Variants in IFI6 observed in about 807,000 individuals in gnomAD.
IFI6 encodes interferon alpha inducible protein 6.
Under a neutral mutation model 12.7 loss-of-function variants are expected in IFI6, and 10 were observed. The ratio of observed to expected loss-of-function variants is 0.79; its 90% CI spans 0.49 to 1.33. IFI6 has a LOEUF of 1.33. IFI6 is among the 40% of genes most tolerant of loss of function. The pLI is 0.00. For missense variants in IFI6, 154 were observed against 180.4 expected (o/e 0.85, Z 0.84); for synonymous variants, 89 against 86.2 (o/e 1.03, Z -0.18).
Position 27,668,267 on chromosome 1 carries a change from C to T in IFI6, c.257G>A (p.Gly86Asp), listed in dbSNP as rs1253453812. The change falls in exon 4 of 5, where the codon GGC (glycine) becomes GAC (aspartate). Residue 86 changes from glycine to aspartate, a missense_variant. Coordinates refer to ENST00000361157, the MANE Select transcript of IFI6 (RefSeq NM_002038.4). ...MSWSAILNGG[G>D]VPAGGLVATL... ...GGCCACTAGCCCCCCGGCGGGCACG[C>T]CGCCCCCATTCAGGATCGCAGACCA... is the stretch of plus-strand genomic sequence containing the variant. 1.1e-5 allele frequency: 17 copies of T among 1,579,042 alleles called. No individual in the cohort carries two copies. The highest frequency in any genetic ancestry group is 1.4e-5 in the Non-Finnish European group (16 of 1,167,634).
At position 27,668,454 on chromosome 1, in the gene IFI6, C is replaced by G. The variant is rs758493192; in HGVS notation, c.148+4G>C. On this transcript the variant is annotated splice_donor_region_variant and intron_variant, in intron 3 of 4. Coordinates refer to ENST00000361157, the MANE Select transcript of IFI6 (RefSeq NM_002038.4). ...TGCCCGAGATCCTCGCCCTCCAGAC[C>G]CACCTCCTCCGACGGCCATGAAGGT... The G allele has an allele frequency of 1.2e-6, 2 of 1,609,738 alleles. No individual in the cohort carries two copies. Among genetic ancestry groups the G allele is most frequent in the East Asian group, 2.2e-5 (1 of 44,578 alleles).
At chr1:27,671,379 A>T (rs1159213882) in intron 1 of IFI6, among the ~76,000 whole-genome samples, 14 of 131,362 alleles carry the variant, frequency 1.1e-4, no homozygotes, top group Non-Finnish European at 1.3e-4. Flanking sequence ...CCAAGCCCAC[A>T]TTTTTTTTTT....
At position 27,668,208 on chromosome 1, in the gene IFI6, C is replaced by G. The variant is rs1007811701; in HGVS notation, c.298+18G>C. 4.1e-6 allele frequency: 6 copies of G among 1,473,736 alleles called. No homozygotes were observed. Among genetic ancestry groups the G allele is most frequent in the Non-Finnish European group, 5.4e-6 (6 of 1,118,996 alleles). The allele number at this position is 1,473,736 out of a possible 1,614,324, so 91.3% of individuals were successfully genotyped here. A position where few individuals can be genotyped will look rare whatever the true frequency, so the allele number is the denominator to read the frequency against. On this transcript the variant is annotated intron_variant, in intron 4 of 4. Transcript: ENST00000361157. ...ATAGTAAAGAACGTCCCACCAGGGG[C>G]CCAGGCCCCGCACTCACCGAGGCTC...
In IFI6 at chr1:27,668,227, G is replaced by T; in HGVS notation, c.297C>A (p.Leu99=). The T allele has an allele frequency of 6.5e-7, 1 of 1,540,172 alleles. No individual in the cohort carries two copies. Residue 99 remains leucine, a splice_region_variant and synonymous_variant, in exon 4 of 5, where the codon CTC becomes CTA. Coordinates refer to ENST00000361157, the MANE Select transcript of IFI6 (RefSeq NM_002038.4). The stretch of plus-strand genomic sequence containing the variant: ...CAGGGGCCCAGGCCCCGCACTCACC[G>T]AGGCTCTGCAGCGTGGCCACTAGCC... ...AGGLVATLQS[L]GAGGSSVVIG...
chr1:27,669,203 C>T lies in IFI6; in HGVS notation c.70+42G>A, dbSNP rs532362382. The T allele has an allele frequency of 1.3e-4, 197 of 1,548,482 alleles. 5 individuals carry two copies. In the South Asian group the frequency reaches 2.2e-3, roughly 17 times the overall value. On this transcript the variant is annotated intron_variant, in intron 2 of 4. Coordinates refer to ENST00000361157, the MANE Select transcript of IFI6 (RefSeq NM_002038.4). ...CCCTTACTTGCATCCTTACCTGCACCCTTACCTGTCCCCTTACCTGCATCC... is the reference window on the plus strand; with the variant it reads ...CCCTTACTTGCATCCTTACCTGCACTCTTACCTGTCCCCTTACCTGCATCC...
intron 4 of IFI6, among the ~76,000 whole-genome samples, chr1:27,667,564 T>C (rs2090361098): frequency 6.6e-6 from 1 of 152,230 alleles, no homozygotes; most frequent in African/African-American, 2.4e-5. Context: ...TATGTTTCTT[T>C]GCTACTGTGG....
At chr1:27,671,536 C>G (rs541797871) in intron 1 of IFI6, among the ~76,000 whole-genome samples, 1 of 151,978 alleles carries the variant, frequency 6.6e-6, no homozygotes, top group African/African-American at 2.4e-5. Flanking sequence ...AGGCGCCCAC[C>G]ACCAAGCCCG....
At position 27,666,174 on chromosome 1, in the gene IFI6, G is replaced by T; in HGVS notation, c.*207C>A. ...GGCGCATGCTTGTAATCCTACTTGG[G>T]AGGTTGAGACAGGAGGATCACTTGA... On this transcript the variant is annotated 3_prime_UTR_variant, in exon 5 of 5. Transcript: ENST00000361157. 1 of 436,894 alleles carries T rather than the reference G, an allele frequency of 2.3e-6. No homozygotes were observed. The highest frequency in any genetic ancestry group is 2.0e-5 in the African/African-American group (1 of 49,444). The allele number at this position is 436,894 out of a possible 1,614,324, so 27.1% of individuals were successfully genotyped here. A position where few individuals can be genotyped will look rare whatever the true frequency, so the allele number is the denominator to read the frequency against.
At chr1:27,669,534 C>A in intron 1 of IFI6, 188 bp from the exon 2 acceptor site, 2 of 543,930 alleles carry the variant, frequency 3.7e-6, no homozygotes, top group Admixed American at 3.0e-5. Context: ...TGTCCCTGCC[C>A]CAACCGGTGG....
intron 1 of IFI6, among the ~76,000 whole-genome samples, chr1:27,670,719 G>A (rs960882933): frequency 6.6e-6 from 1 of 152,064 alleles, no homozygotes; most frequent in Admixed American, 6.6e-5. Context: ...CCTTGTATTC[G>A]GCTATCTGGA....
intron 4 of IFI6, among the ~76,000 whole-genome samples, chr1:27,667,966 G>A (rs1297290914): frequency 6.6e-6 from 1 of 152,232 alleles, no homozygotes; most frequent in African/African-American, 2.4e-5. Context: ...AGCTACTTGG[G>A]AGGCTGTGGC....
Position 27,668,252 on chromosome 1 carries a change from C to A in IFI6, c.272G>T (p.Gly91Val). The change falls in exon 4 of 5, where the codon GGG becomes GTG. Residue 91 changes from glycine to valine, a missense_variant. Gly to Val is a moderately radical substitution (Grantham distance 109, BLOSUM62 -3). Coordinates refer to ENST00000361157, the MANE Select transcript of IFI6 (RefSeq NM_002038.4). ...ILNGGGVPAG[G>V]LVATLQSLGA... ...GAGGCTCTGCAGCGTGGCCACTAGC[C>A]CCCCGGCGGGCACGCCGCCCCCATT... 6.4e-7 allele frequency: 1 copy of A among 1,573,772 alleles called. No homozygotes were observed.
chr1:27,668,842 C>T (rs1454649014), intron 2 of IFI6, among the ~76,000 whole-genome samples: 1 of 152,056 alleles, frequency 6.6e-6, no homozygotes, highest in African/African-American at 2.4e-5. Context: ...ACGCCAGACC[C>T]TCTACACCCC....
chr1:27,666,617 A>C, intron 4 of IFI6, 142 bp from the exon 5 acceptor site: 1 of 293,452 alleles, frequency 3.4e-6, no homozygotes. Flanking sequence ...ACTACTACAA[A>C]GTGAGTCCCA....
intron 1 of IFI6, 139 bp from the exon 2 acceptor site, chr1:27,669,485 C>A (rs1012291121): frequency 3.3e-6 from 2 of 597,796 alleles, no homozygotes; most frequent in Admixed American, 5.3e-5. Context: ...CTCTCAGGAG[C>A]CTCGGGAATC....
chr1:27,666,215 G>T lies in IFI6; in HGVS notation c.*166C>A. 2.1e-6 allele frequency: 1 copy of T among 480,974 alleles called. No homozygotes were observed. The highest frequency in any genetic ancestry group is 3.6e-6 in the Non-Finnish European group (1 of 277,406). The allele number at this position is 480,974 out of a possible 1,614,324, so 29.8% of individuals were successfully genotyped here. A position where few individuals can be genotyped will look rare whatever the true frequency, so the allele number is the denominator to read the frequency against. On this transcript the variant is annotated 3_prime_UTR_variant, in exon 5 of 5. Transcript: ENST00000361157. ...GATCACTTGAGGCTAGGAGTTGGAG[G>T]CTGCAGTGTACTATGTTCGCATCTG...
chr1:27,668,595 C>T (rs1429325242), intron 2 of IFI6, 60 bp from the exon 3 acceptor site: 15 of 1,393,450 alleles, frequency 1.1e-5, no homozygotes, highest in South Asian at 8.8e-5. Context: ...GGGTCCCCTA[C>T]TCTGTGTCTG....
At chr1:27,671,331 T>C (rs2090402378) in intron 1 of IFI6, among the ~76,000 whole-genome samples, 1 of 151,600 alleles carries the variant, frequency 6.6e-6, no homozygotes, top group Non-Finnish European at 1.5e-5. Flanking sequence ...AGCCAGGTCA[T>C]GGCAAAGTCA....
intron 1 of IFI6, chr1:27,670,550 G>C (rs1301216813): frequency 6.6e-6 from 1 of 151,644 alleles, no homozygotes; most frequent in Non-Finnish European, 1.5e-5. Flanking sequence ...GCCTCCCAAA[G>C]TGCTGAGATT....
Sources: gnomAD v4.1 joint callset for allele counts (sites outside exome capture counted in the v4.1 genomes callset) on GRCh38, gnomAD v4.1.1 for gene constraint, MANE v1.5 for transcripts, NCBI Gene and HGNC (gene_info 2026-07-23, HGNC 2026-07-21) for gene names.